SLC12A6: variants seen among roughly 807,000 people sequenced by gnomAD.
The protein encoded by SLC12A6 is solute carrier family 12 member 6.
Under a neutral mutation model 135.3 loss-of-function variants are expected in SLC12A6, and 66 were observed. The observed-to-expected ratio is 0.49, with a 90% CI of 0.40 to 0.60. The LOEUF (loss-of-function observed/expected upper bound fraction) is 0.60, where lower values mean the gene tolerates loss of function less well. Among genes scored for constraint, SLC12A6 ranks in the 20% least tolerant of loss-of-function variants. The pLI, the probability that SLC12A6 is intolerant of heterozygous loss-of-function variation, is 0.00. For synonymous variants in SLC12A6, 513 were observed against 508.8 expected, an observed-to-expected ratio of 1.01 and a Z score of -0.11; for missense variants, 1,058 against 1,452.3, an observed-to-expected ratio of 0.73 and a Z score of 4.41.
intron 2 of SLC12A6, among the ~76,000 whole-genome samples, chr15:34,334,679 G>A (rs1890085205): frequency 6.6e-6 from 1 of 152,172 alleles, no homozygotes; most frequent in African/African-American, 2.4e-5. Flanking sequence ...CTGGGTACCG[G>A]AGAATATTTA....
intron 2 of SLC12A6, among the ~76,000 whole-genome samples, chr15:34,285,717 T>TACACACACACACACACA (rs144158165): frequency 0.029 from 3,759 of 131,062 alleles, 196 homozygotes; most frequent in African/African-American, 0.11. Flanking sequence ...TGTGTGTTTG[T>TACACACACACACACACA]CATACATAAA....
At chr15:34,266,905 A>C (rs1893560911) in intron 3 of SLC12A6, among the ~76,000 whole-genome samples, 2 of 152,162 alleles carry the variant, frequency 1.3e-5, no homozygotes, top group South Asian at 4.1e-4. Context: ...TTAGTCCATC[A>C]ACCTTAGTGA....
At chr15:34,268,162 T>A (rs1893657000) in intron 3 of SLC12A6, among the ~76,000 whole-genome samples, 1 of 152,226 alleles carries the variant, frequency 6.6e-6, no homozygotes, top group African/African-American at 2.4e-5. Context: ...AAATCTGGCA[T>A]GAGACAATCC....
At position 34,265,969 on chromosome 15, in the gene SLC12A6, G is replaced by A. The variant is rs114564069; in HGVS notation, c.317-4949C>T. Among the ~76,000 whole-genome samples, 1,275 of 147,670 alleles carry A rather than the reference G, an allele frequency of 8.6e-3. 25 individuals are homozygous for A. The highest frequency in any genetic ancestry group is 0.03 in the African/African-American group (1,216 of 39,940). ...AAAGGAGAGAGTAATGTGAGAGTGT[G>A]CTAATAGTTCATTTGGGAAGCAGGG... On this transcript the variant is annotated intron_variant, in intron 3 of 25. Transcript: ENST00000354181.
At chr15:34,253,842 G>A (rs4780235) in intron 9 of SLC12A6, among the ~76,000 whole-genome samples, 16,833 of 152,132 alleles carry the variant, frequency 0.11, 1,156 homozygotes, top group East Asian at 0.27. Context: ...TAAAGTATTC[G>A]CACTAGGGAG....
chr15:34,305,213 T>G (rs191403616), intron 2 of SLC12A6, among the ~76,000 whole-genome samples: 4 of 152,254 alleles, frequency 2.6e-5, no homozygotes, highest in Admixed American at 1.3e-4. Context: ...GTATGTGTTT[T>G]TCATCACTGA....
intron 2 of SLC12A6, among the ~76,000 whole-genome samples, chr15:34,303,962 TTTC>T (rs935239712): frequency 3.9e-5 from 6 of 152,216 alleles, no homozygotes; most frequent in African/African-American, 1.4e-4. Flanking sequence ...GTGTTCAGTG[TTTC>T]TTAATATAGT....
At chr15:34,306,772 T>C (rs891264929) in intron 2 of SLC12A6, among the ~76,000 whole-genome samples, 10 of 152,308 alleles carry the variant, frequency 6.6e-5, no homozygotes, top group Admixed American at 4.6e-4. Context: ...GTGGACTGCA[T>C]TGTTTTCAAC....
chr15:34,320,242 CTT>C (rs1888971804), intron 2 of SLC12A6, among the ~76,000 whole-genome samples: 1 of 152,166 alleles, frequency 6.6e-6, no homozygotes. Context: ...ATGGAATCAA[CTT>C]AAGTGCCCAT....
intron 2 of SLC12A6, among the ~76,000 whole-genome samples, chr15:34,287,651 C>T (rs1394898598): frequency 1.3e-5 from 2 of 152,182 alleles, no homozygotes; most frequent in Non-Finnish European, 2.9e-5. Context: ...TGTTTCCTGA[C>T]TTTTTAATGG....
At chr15:34,308,345 T>C (rs927983411) in intron 2 of SLC12A6, among the ~76,000 whole-genome samples, 2 of 151,878 alleles carry the variant, frequency 1.3e-5, no homozygotes, top group Non-Finnish European at 2.9e-5. Context: ...GGATTAAGGG[T>C]TGGGCACGGT....
At chr15:34,291,948 A>G (rs952924807) in intron 2 of SLC12A6, among the ~76,000 whole-genome samples, 7 of 151,842 alleles carry the variant, frequency 4.6e-5, no homozygotes, top group African/African-American at 1.5e-4. Context: ...TAGCTCGGAG[A>G]AGTTTGTTAT....
chr15:34,238,613 T>A, intron 20 of SLC12A6: 1 of 613,970 alleles, frequency 1.6e-6, no homozygotes, highest in Non-Finnish European at 2.9e-6. Flanking sequence ...CTAGGTATAT[T>A]CCCATTACTA....
chr15:34,286,439 T>C (rs1895085403), intron 2 of SLC12A6, among the ~76,000 whole-genome samples: 1 of 152,258 alleles, frequency 6.6e-6, no homozygotes, highest in Non-Finnish European at 1.5e-5. Context: ...TTTTGGCTAA[T>C]ACATTGTGGT....
chr15:34,254,647 G>C, intron 8 of SLC12A6, 58 bp from the exon 9 acceptor site: 1 of 1,334,664 alleles, frequency 7.5e-7, no homozygotes, highest in South Asian at 1.2e-5. Context: ...AAGTAAAAAG[G>C]CTGTATTCGT....
In SLC12A6 at chr15:34,255,288, T is replaced by C. The variant is rs1227694486; in HGVS notation, c.850A>G (p.Ile284Val). 6.2e-7 allele frequency: 1 copy of C among 1,610,550 alleles called. No individual in the cohort carries two copies. Among genetic ancestry groups the C allele is most frequent in the Admixed American group, 1.7e-5 (1 of 60,014 alleles). ...AGAAAGATTTCAATGGCACCAAGGA[T>C]GTACATGGCTGCTGCAAATGTGGTA... ...LGTTFAAAMY[I>V]LGAIEIFLVY... Residue 284 changes from isoleucine (I) to valine (V), a missense_variant, in exon 8 of 26, where the codon ATC becomes GTC. By Grantham distance (29) the Ile-to-Val change is conservative. Coordinates refer to ENST00000354181, the MANE Select transcript of SLC12A6 (RefSeq NM_001365088.1).
intron 5 of SLC12A6, 31 bp from the exon 6 acceptor site, chr15:34,257,819 A>G (rs757617207): frequency 2.6e-6 from 4 of 1,519,932 alleles, no homozygotes; most frequent in Non-Finnish European, 3.6e-6. Flanking sequence ...AAAAAATCAC[A>G]CAGTTATCCT....
intron 21 of SLC12A6, among the ~76,000 whole-genome samples, 186 bp from the exon 22 acceptor site, chr15:34,237,736 AC>A (rs1205219888): frequency 6.6e-6 from 1 of 152,224 alleles, no homozygotes; most frequent in African/African-American, 2.4e-5. Context: ...CACATTTAAT[AC>A]AGTTTTAAGG....
intron 2 of SLC12A6, among the ~76,000 whole-genome samples, chr15:34,295,584 C>T (rs908370828): frequency 1.3e-5 from 2 of 152,118 alleles, no homozygotes; most frequent in Non-Finnish European, 2.9e-5. Context: ...TGGTTGAATT[C>T]TTAGCACTGA....
Sources: allele counts gnomAD v4.1 joint callset (sites outside exome capture counted in the v4.1 genomes callset), GRCh38; gene constraint gnomAD v4.1.1; transcripts MANE v1.5; gene names NCBI Gene and HGNC (gene_info 2026-07-23, HGNC 2026-07-21).